RBM20: variants seen among roughly 807,000 people sequenced by gnomAD.
RBM20 encodes RNA-binding protein 20.
In RBM20, 51 loss-of-function variants were observed where a neutral mutation model predicts 110.1. The ratio of observed to expected loss-of-function variants is 0.46; its 90% CI spans 0.37 to 0.59. The LOEUF is 0.59. RBM20 is among the 20% of genes least tolerant of loss of function. The pLI, the probability that RBM20 is intolerant of heterozygous loss-of-function variation, is 0.00. For synonymous variants in RBM20, 589 were observed against 618.2 expected (o/e 0.95, Z 0.70); for missense variants, 1,512 against 1,574.9 (o/e 0.96, Z 0.68).
At chr10:110,816,649 G>A (rs983608243) in intron 9 of RBM20, among the ~76,000 whole-genome samples, 5 of 152,138 alleles carry the variant, frequency 3.3e-5, no homozygotes, top group African/African-American at 1.2e-4. Flanking sequence ...AGCTCCAGGT[G>A]TAAACTTCAC....
intron 1 of RBM20, among the ~76,000 whole-genome samples, chr10:110,777,859 C>A (rs1844287520): frequency 2.0e-5 from 3 of 152,220 alleles, no homozygotes; most frequent in Admixed American, 6.5e-5. Context: ...AACTTGGCAC[C>A]TCATTATCGC....
rs1304945718 is a variant in RBM20, at chr10:110,689,370, A to C, written c.191+44725A>C. ...GGAAACAGACATAGCAAGTAAACAC[A>C]TGCACAAACAGTATAATGTCAGCTA... On this transcript the variant is annotated intron_variant, in intron 1 of 13. Coordinates refer to ENST00000369519, the MANE Select transcript of RBM20 (RefSeq NM_001134363.3). Among the ~76,000 whole-genome samples, 3 of 152,234 alleles carry C rather than the reference A, an allele frequency of 2.0e-5. No homozygotes were observed. The East Asian group carries it at 5.8e-4, about 29-fold the overall frequency.
At chr10:110,823,442 T>A in intron 11 of RBM20, 38 bp from the exon 12 acceptor site, 1 of 332,224 alleles carries the variant, frequency 3.0e-6, no homozygotes, top group Non-Finnish European at 4.1e-6. Context: ...TTTTTTTTTT[T>A]TTTTTTTTTT....
rs78201016 is a variant in RBM20 at position 110,685,977 on chromosome 10, G to T, written c.191+41332G>T. The stretch of plus-strand genomic sequence containing the variant: ...CCTCACAGGTATTTAACGTAAGCCT[G>T]AGCGTATAGCTCGGATGGGGATCAG... On this transcript the variant is annotated intron_variant, in intron 1 of 13. Transcript: ENST00000369519. Among the ~76,000 whole-genome samples, 524 of 152,320 alleles carry T rather than the reference G, an allele frequency of 3.4e-3. 1 individual carries two copies. The highest frequency in any genetic ancestry group is 0.012 in the African/African-American group (498 of 41,570).
At chr10:110,789,749 C>T (rs1282046827) in intron 5 of RBM20, among the ~76,000 whole-genome samples, 1 of 152,162 alleles carries the variant, frequency 6.6e-6, no homozygotes, top group Non-Finnish European at 1.5e-5. Flanking sequence ...TGTCTGTCCT[C>T]AGCCCCTCCC....
At chr10:110,770,308 C>T (rs1844170332) in intron 1 of RBM20, among the ~76,000 whole-genome samples, 1 of 152,174 alleles carries the variant, frequency 6.6e-6, no homozygotes, top group Non-Finnish European at 1.5e-5. Context: ...TCAGATCTGT[C>T]TCTGCACCAT....
rs187915202 is a variant in RBM20 at position 110,820,191 on chromosome 10, A to G, written c.2655+15A>G. On this transcript the variant is annotated intron_variant, in intron 10 of 13. Transcript: ENST00000369519. The stretch of plus-strand genomic sequence containing the variant: ...GGACAAAGAAGGTAAAGTTTGTTTC[A>G]GATTCTGCACTTCTGCCATGAGGGA... The G allele has an allele frequency of 5.7e-3, 8,734 of 1,525,998 alleles. 31 individuals carry two copies. The highest frequency in any genetic ancestry group is 6.9e-3 in the Non-Finnish European group (7,711 of 1,123,840). The allele number at this position is 1,525,998 out of a possible 1,614,324, so 94.5% of individuals were successfully genotyped here. A position where few individuals can be genotyped will look rare whatever the true frequency, so the allele number is the denominator to read the frequency against.
At position 110,784,379 on chromosome 10, in the gene RBM20, C is replaced by T. The variant is rs1348481978; in HGVS notation, c.1376C>T (p.Thr459Ile). The T allele has an allele frequency of 1.3e-6, 2 of 1,551,390 alleles. No individual in the cohort carries two copies. Among genetic ancestry groups the T allele is most frequent in the Admixed American group, 3.9e-5 (2 of 51,002 alleles). The change falls in exon 4 of 14, where the codon ACA becomes ATA. Residue 459 changes from threonine (T) to isoleucine (I), a missense_variant. Thr to Ile is a moderately conservative substitution (Grantham distance 89). This residue lies in a region of RBM20 where 1,149 missense variants were observed against 1,169.4 expected (regional missense o/e 0.98). Transcript: ENST00000369519. ...TGTATACTTGGTTCGGCAGAGGGAA[C>T]ATTGTGTGCTTCTCCCAACAGCACA... The part of the protein sequence containing the change: ...IRCILGSAEG[T>I]LCASPNSTAV...
At chr10:110,690,820 C>T (rs886205261) in intron 1 of RBM20, among the ~76,000 whole-genome samples, 2 of 152,052 alleles carry the variant, frequency 1.3e-5, no homozygotes, top group Non-Finnish European at 2.9e-5. Context: ...CCAGAAGCAT[C>T]GTTTTCACCT....
intron 1 of RBM20, among the ~76,000 whole-genome samples, chr10:110,648,176 G>A (rs990451477): frequency 2.6e-5 from 4 of 152,140 alleles, no homozygotes; most frequent in African/African-American, 4.8e-5. Flanking sequence ...TGTTACCTGC[G>A]TGTAAATGCT....
chr10:110,805,822 A>G (rs1346456987), intron 7 of RBM20, among the ~76,000 whole-genome samples: 1 of 152,214 alleles, frequency 6.6e-6, no homozygotes. Flanking sequence ...TGAGCACTGT[A>G]GTTGGTCCCT....
intron 1 of RBM20, among the ~76,000 whole-genome samples, chr10:110,741,776 A>C (rs1843728122): frequency 1.4e-5 from 2 of 142,076 alleles, no homozygotes; most frequent in African/African-American, 5.4e-5. Context: ...CTCAGACCTC[A>C]CCTCCTCTAG....
chr10:110,779,076 G>A (rs770513814), intron 1 of RBM20, among the ~76,000 whole-genome samples: 10 of 152,188 alleles, frequency 6.6e-5, no homozygotes, highest in Non-Finnish European at 1.3e-4. Context: ...AGGTTTCCTA[G>A]CATAAAACTC....
At chr10:110,680,950 TTC>T (rs1200411424) in intron 1 of RBM20, among the ~76,000 whole-genome samples, 1 of 152,220 alleles carries the variant, frequency 6.6e-6, no homozygotes, top group African/African-American at 2.4e-5. Flanking sequence ...CTGTCTCTTA[TTC>T]TCTCTCTGTA....
rs150649031 is a variant in RBM20, at chr10:110,801,499, T to A, written c.1800+1581T>A. On this transcript the variant is annotated intron_variant, in intron 7 of 13. Transcript: ENST00000369519. ...TTGTCTTGTCCAACTTTTAAATTTT[T>A]GCCTGTCGTGGGAGAGTATCATGGT... 1.4e-3 allele frequency among the ~76,000 whole-genome samples: 220 copies of A among 152,284 alleles called. 2 individuals are homozygous for A. Among genetic ancestry groups the A allele is most frequent in the African/African-American group, 5.1e-3 (211 of 41,572 alleles).
chr10:110,762,594 C>T (rs1267055059), intron 1 of RBM20, among the ~76,000 whole-genome samples: 2 of 152,206 alleles, frequency 1.3e-5, no homozygotes, highest in Non-Finnish European at 2.9e-5. Context: ...TGTTACGGAG[C>T]TCACAATAGC....
chr10:110,676,785 A>G (rs539560698), intron 1 of RBM20, among the ~76,000 whole-genome samples: 1 of 80,568 alleles, frequency 1.2e-5, no homozygotes, highest in South Asian at 4.5e-4. Context: ...GGAAGCAACA[A>G]ATGCTATTTT....
At chr10:110,724,957 G>A (rs1047898714) in intron 1 of RBM20, among the ~76,000 whole-genome samples, 1 of 152,110 alleles carries the variant, frequency 6.6e-6, no homozygotes, top group African/African-American at 2.4e-5. Flanking sequence ...AGTCCTCAAG[G>A]AGTTTAAAGT....
intron 13 of RBM20, among the ~76,000 whole-genome samples, chr10:110,833,388 C>CAAAAAAAAAA (rs1845081155): frequency 4.9e-4 from 1 of 2,052 alleles, no homozygotes; most frequent in Non-Finnish European, 4.7e-3. Flanking sequence ...AACTCTGTCT[C>CAAAAAAAAAA]AGAAAAAAAA....
Sources: gnomAD v4.1 joint callset for allele counts (sites outside exome capture counted in the v4.1 genomes callset) on GRCh38, gnomAD v4.1.1 for gene constraint, gnomAD v4.1.1 regional missense constraint, MANE v1.5 for transcripts, NCBI Gene and HGNC (gene_info 2026-07-23, HGNC 2026-07-21) for gene names.